Variants in NCKAP5 observed in about 807,000 individuals in gnomAD.
The protein encoded by NCKAP5 is NCK associated protein 5.
Under a neutral mutation model 167.0 loss-of-function variants are expected in NCKAP5, and 92 were observed. The observed-to-expected ratio is 0.55, with a 90% confidence interval of 0.47 to 0.66. The LOEUF is 0.66. Among genes scored for constraint, NCKAP5 ranks in the 30% least tolerant of loss-of-function variants. NCKAP5 has a pLI of 0.00. For synonymous variants in NCKAP5, 891 were observed against 877.4 expected (o/e 1.02, Z -0.27); for missense variants, 2,378 against 2,315.0 (o/e 1.03, Z -0.56).
chr2:133,622,938 T>C, the NCKAP5 span, among the ~76,000 whole-genome samples: 9 of 151,900 alleles, frequency 5.9e-5, no homozygotes, highest in Non-Finnish European at 1.0e-4. Context: ...AGCATGATAC[T>C]GTATAAAAAT....
intron 4 of NCKAP5, among the ~76,000 whole-genome samples, chr2:133,231,411 C>A (rs1224952787): frequency 6.6e-6 from 1 of 152,056 alleles, no homozygotes; most frequent in Non-Finnish European, 1.5e-5. Flanking sequence ...GGCCCATTCA[C>A]AAAAGTCAAA....
intron 13 of NCKAP5, among the ~76,000 whole-genome samples, chr2:132,786,659 GAAA>G (rs946172484): frequency 1.4e-5 from 2 of 147,054 alleles, no homozygotes; most frequent in Non-Finnish European, 3.0e-5. Context: ...ATGGAAGGGG[GAAA>G]AAAAAAAGCT....
intron 19 of NCKAP5, among the ~76,000 whole-genome samples, chr2:132,695,136 C>T (rs769054129): frequency 6.6e-6 from 1 of 152,096 alleles, no homozygotes; most frequent in Non-Finnish European, 1.5e-5. Context: ...CCTCCCAAGG[C>T]GCCACCTCCA....
At chr2:133,260,450 C>T (rs1172700938) in intron 4 of NCKAP5, among the ~76,000 whole-genome samples, 1 of 152,152 alleles carries the variant, frequency 6.6e-6, no homozygotes, top group Admixed American at 6.5e-5. Context: ...AGTTAATTCA[C>T]AACTCCCTTA....
At chr2:133,667,255 T>C in the NCKAP5 span, among the ~76,000 whole-genome samples, 1 of 151,964 alleles carries the variant, frequency 6.6e-6, no homozygotes, top group Non-Finnish European at 1.5e-5. Context: ...GATGTGACAA[T>C]AGTGAACTCT....
intron 6 of NCKAP5, among the ~76,000 whole-genome samples, chr2:133,128,639 C>T (rs1052008475): frequency 3.3e-5 from 5 of 151,700 alleles, no homozygotes; most frequent in Admixed American, 6.6e-5. Flanking sequence ...GCTTTGTTGC[C>T]GAGGCTGGAG....
At chr2:132,796,346 T>G (rs1362113234) in intron 12 of NCKAP5, among the ~76,000 whole-genome samples, 2 of 152,178 alleles carry the variant, frequency 1.3e-5, no homozygotes, top group African/African-American at 4.8e-5. Context: ...AAAAAGCTCC[T>G]TGACCATTTC....
chr2:133,426,440 C>CAAAAAAAAA (rs77474242), intron 3 of NCKAP5, among the ~76,000 whole-genome samples: 1 of 73,050 alleles, frequency 1.4e-5, no homozygotes, highest in Non-Finnish European at 3.2e-5. Flanking sequence ...TAAAGTCTTC[C>CAAAAAAAAA]AAAAAAAAAA....
the NCKAP5 span, among the ~76,000 whole-genome samples, chr2:133,584,938 GA>G: frequency 7.8e-6 from 1 of 128,706 alleles, no homozygotes; most frequent in Non-Finnish European, 1.6e-5. Context: ...CCAAAAAAAA[GA>G]AAGAAGGAAG....
chr2:132,672,864 G>T lies in NCKAP5; in HGVS notation c.*425C>A. On this transcript the variant is annotated 3_prime_UTR_variant, in exon 20 of 20. Transcript: ENST00000409261. ...GGAGTCTATCTTTATTGCCCTGTCA[G>T]AGAAATAAGCTCTGGTGGGTTGCCT... The T allele has an allele frequency of 1.1e-5, 7 of 621,078 alleles. No individual in the cohort carries two copies. The highest frequency in any genetic ancestry group is 1.4e-5 in the Non-Finnish European group (7 of 496,426). The allele number at this position is 621,078 out of a possible 1,614,324, so 38.5% of individuals were successfully genotyped here.
chr2:132,688,687 A>C (rs770872618), intron 19 of NCKAP5, among the ~76,000 whole-genome samples: 2 of 152,126 alleles, frequency 1.3e-5, no homozygotes, highest in Non-Finnish European at 2.9e-5. Flanking sequence ...AGCAAAACAC[A>C]TGATTTGGCT....
intron 6 of NCKAP5, among the ~76,000 whole-genome samples, chr2:133,016,290 G>T (rs76870528): frequency 6.6e-6 from 1 of 152,170 alleles, no homozygotes; most frequent in Non-Finnish European, 1.5e-5. Context: ...GAAGTCTGAC[G>T]ATTTATAACA....
intron 16 of NCKAP5, among the ~76,000 whole-genome samples, chr2:132,768,424 G>A (rs1386803672): frequency 1.3e-5 from 2 of 152,044 alleles, no homozygotes; most frequent in Non-Finnish European, 2.9e-5. Flanking sequence ...AATACATAGG[G>A]TAAATGCATT....
At chr2:133,468,919 G>T (rs908307637) in intron 3 of NCKAP5, among the ~76,000 whole-genome samples, 38 of 152,150 alleles carry the variant, frequency 2.5e-4, no homozygotes, top group Non-Finnish European at 1.6e-4. Flanking sequence ...AACGTAAGAT[G>T]GGTTTCCTGA....
intron 17 of NCKAP5, among the ~76,000 whole-genome samples, chr2:132,730,749 G>A: frequency 6.6e-6 from 1 of 152,176 alleles, no homozygotes; most frequent in East Asian, 1.9e-4. Context: ...AATCTCTGGA[G>A]GCTGTGTCAT....
intron 6 of NCKAP5, among the ~76,000 whole-genome samples, chr2:133,062,271 C>G (rs113628301): frequency 4.6e-5 from 7 of 152,150 alleles, no homozygotes; most frequent in African/African-American, 1.7e-4. Flanking sequence ...ATAGAACAAA[C>G]AAACAAAAAC....
the NCKAP5 span, among the ~76,000 whole-genome samples, chr2:133,637,931 C>G: frequency 1.3e-5 from 2 of 152,112 alleles, no homozygotes; most frequent in Non-Finnish European, 2.9e-5. Context: ...AGCAACATTA[C>G]AGGTCACCAA....
intron 7 of NCKAP5, 133 bp downstream of exon 7, chr2:132,994,019 G>T (rs1302582026): frequency 3.6e-6 from 2 of 554,676 alleles, no homozygotes; most frequent in Non-Finnish European, 6.3e-6. Flanking sequence ...AAACAGAGGT[G>T]ACTAGGTGGC....
At chr2:133,426,130 C>A (rs949601812) in intron 3 of NCKAP5, among the ~76,000 whole-genome samples, 1 of 151,890 alleles carries the variant, frequency 6.6e-6, no homozygotes, top group Non-Finnish European at 1.5e-5. Context: ...ATTAGCTGGA[C>A]GTGGTGGTGC....
Sources: gnomAD v4.1 joint callset for allele counts (sites outside exome capture counted in the v4.1 genomes callset) on GRCh38, gnomAD v4.1.1 for gene constraint, MANE v1.5 for transcripts, NCBI Gene and HGNC (gene_info 2026-07-23, HGNC 2026-07-21) for gene names.